MSRA: variants seen among roughly 807,000 people sequenced by gnomAD.
MSRA encodes the protein methionine sulfoxide reductase A, also known as mitochondrial peptide methionine sulfoxide reductase.
MSRA carries 54 observed loss-of-function variants against 31.3 expected under a neutral mutation model. The ratio of observed to expected loss-of-function variants is 1.73; its 90% CI spans 1.39 to 2.17. The LOEUF is 2.17. MSRA is among the 30% of genes most tolerant of loss of function. MSRA has a pLI of 0.00. For missense variants in MSRA, 507 were observed against 300.9 expected (o/e 1.69, Z -5.07); for synonymous variants, 169 against 116.5 (o/e 1.45, Z -2.90).
At chr8:10,207,968 TAGCA>T in intron 2 of MSRA, 67 bp downstream of exon 2, 1 of 1,335,280 alleles carries the variant, frequency 7.5e-7, no homozygotes, top group Non-Finnish European at 1.0e-6. Context: ...TTCTTAGTTT[TAGCA>T]AGTGTTCTCA....
intron 3 of MSRA, among the ~76,000 whole-genome samples, chr8:10,245,515 G>A (rs1797577353): frequency 6.6e-6 from 1 of 152,196 alleles, no homozygotes; most frequent in Admixed American, 6.5e-5. Flanking sequence ...AGTTGAGGCT[G>A]GGCTCAGCTT....
At chr8:10,249,895 G>A (rs1024725296) in intron 3 of MSRA, among the ~76,000 whole-genome samples, 3 of 152,210 alleles carry the variant, frequency 2.0e-5, no homozygotes, top group Admixed American at 1.3e-4. Context: ...GCCATGAGGA[G>A]CCTAACTTGT....
intron 3 of MSRA, among the ~76,000 whole-genome samples, chr8:10,246,860 G>A (rs992171889): frequency 6.6e-6 from 1 of 151,974 alleles, no homozygotes; most frequent in Non-Finnish European, 1.5e-5. Context: ...AAACGCTTAT[G>A]CATAGCTATA....
intron 1 of MSRA, among the ~76,000 whole-genome samples, chr8:10,100,867 C>A (rs572072979): frequency 6.6e-6 from 1 of 152,222 alleles, no homozygotes; most frequent in South Asian, 2.1e-4. Flanking sequence ...TAGAATACCC[C>A]TTATGTGTGG....
At chr8:10,065,449 A>C (rs1052431459) in intron 1 of MSRA, among the ~76,000 whole-genome samples, 10 of 152,224 alleles carry the variant, frequency 6.6e-5, no homozygotes, top group African/African-American at 2.2e-4. Flanking sequence ...GTGCGGAATA[A>C]AAGGCAAGAA....
chr8:10,371,732 A>G (rs1805489106), intron 5 of MSRA, among the ~76,000 whole-genome samples: 1 of 151,994 alleles, frequency 6.6e-6, no homozygotes, highest in Non-Finnish European at 1.5e-5. Flanking sequence ...GTGGTGTTGC[A>G]GTTCCTACCA....
At position 10,174,808 on chromosome 8, in the gene MSRA, C is replaced by T. The variant is rs747890247; in HGVS notation, c.143-33025C>T. ...AGCTGACCTCAGAGATGCCCTCCGACGCTGAGTTTCTTTGTCAAAAAACAA... is the reference window on the plus strand; with the variant it reads ...AGCTGACCTCAGAGATGCCCTCCGATGCTGAGTTTCTTTGTCAAAAAACAA... On this transcript the variant is annotated intron_variant, in intron 1 of 5. Transcript: ENST00000317173. Among the ~76,000 whole-genome samples the T allele has an allele frequency of 2.0e-5, 3 of 152,180 alleles. No individual in the cohort carries two copies. In the East Asian group the frequency reaches 5.8e-4, roughly 29 times the overall value.
chr8:10,295,363 C>G (rs1800477126), intron 3 of MSRA, among the ~76,000 whole-genome samples: 1 of 152,062 alleles, frequency 6.6e-6, no homozygotes, highest in Admixed American at 6.5e-5. Flanking sequence ...CACGAAGCCT[C>G]TCCGGAAGGC....
chr8:10,415,586 C>T (rs1300462609), intron 5 of MSRA, among the ~76,000 whole-genome samples: 2 of 152,134 alleles, frequency 1.3e-5, no homozygotes, highest in African/African-American at 2.4e-5. Flanking sequence ...GCCTCTCCAT[C>T]CACCTCTGCT....
chr8:10,181,029 T>C (rs975203229), intron 1 of MSRA, among the ~76,000 whole-genome samples: 2 of 152,176 alleles, frequency 1.3e-5, no homozygotes, highest in African/African-American at 4.8e-5. Flanking sequence ...CGTTAACCCA[T>C]CAAATATTTA....
rs373160303 is a variant in MSRA at position 10,091,440 on chromosome 8, A to G, written c.142+36782A>G. 1.2e-4 allele frequency among the ~76,000 whole-genome samples: 18 copies of G among 152,274 alleles called. No homozygotes were observed. The South Asian group carries it at 2.5e-3, about 21-fold the overall frequency. ...AAGGCCAAATAGTATTCCGTTTACCATATATATTTTCCTCGTTTATCTGTT... is the reference window on the plus strand; with the variant it reads ...AAGGCCAAATAGTATTCCGTTTACCGTATATATTTTCCTCGTTTATCTGTT... On this transcript the variant is annotated intron_variant, in intron 1 of 5. Transcript: ENST00000317173.
chr8:10,113,003 T>A (rs907533273), intron 1 of MSRA, among the ~76,000 whole-genome samples: 2 of 152,160 alleles, frequency 1.3e-5, no homozygotes, highest in Non-Finnish European at 2.9e-5. Flanking sequence ...GTGTCACCCC[T>A]GCAGTGACTT....
At chr8:10,295,355 C>T (rs996512039) in intron 3 of MSRA, among the ~76,000 whole-genome samples, 3 of 152,098 alleles carry the variant, frequency 2.0e-5, no homozygotes, top group South Asian at 2.1e-4. Flanking sequence ...CTTGTCCCCA[C>T]GAAGCCTCTC....
intron 1 of MSRA, among the ~76,000 whole-genome samples, chr8:10,173,574 G>C (rs1435473166): frequency 6.6e-6 from 1 of 152,138 alleles, no homozygotes; most frequent in East Asian, 1.9e-4. Context: ...TGTTCTCCAG[G>C]CATCTCCCTG....
At chr8:10,222,583 G>C (rs1164635184) in intron 2 of MSRA, among the ~76,000 whole-genome samples, 2 of 152,062 alleles carry the variant, frequency 1.3e-5, no homozygotes, top group East Asian at 1.9e-4. Context: ...CAACATACAA[G>C]ATACAATGTC....
chr8:10,303,467 A>G (rs11249984), intron 4 of MSRA, among the ~76,000 whole-genome samples: 128,810 of 152,152 alleles, frequency 0.85, 54,806 homozygotes, highest in East Asian at 0.99. Flanking sequence ...TAATGGTGGC[A>G]TCTCTGGGGT....
chr8:10,312,018 C>T (rs1389951238), intron 4 of MSRA, among the ~76,000 whole-genome samples: 3 of 152,052 alleles, frequency 2.0e-5, no homozygotes, highest in Non-Finnish European at 4.4e-5. Context: ...ATGTTAAAAT[C>T]GATAGGGCAT....
intron 1 of MSRA, among the ~76,000 whole-genome samples, chr8:10,133,141 T>C (rs181030003): frequency 1.3e-5 from 2 of 152,174 alleles, no homozygotes; most frequent in African/African-American, 4.8e-5. Context: ...GTTGATGAGG[T>C]ATATATTTCA....
rs114857339 is a variant in MSRA at position 10,138,724 on chromosome 8, T to G, written c.143-69109T>G. On this transcript the variant is annotated intron_variant, in intron 1 of 5. Coordinates refer to ENST00000317173, the MANE Select transcript of MSRA (RefSeq NM_012331.5). Reference sequence around the variant, plus strand: ...GAAAAAGAGGTTGCTCGCTGTTGATTTATTTCACAATTTTATCTGGGTAAA... The same window carrying G: ...GAAAAAGAGGTTGCTCGCTGTTGATGTATTTCACAATTTTATCTGGGTAAA... Among the ~76,000 whole-genome samples the G allele has an allele frequency of 8.5e-3, 1,291 of 152,364 alleles. 15 individuals are homozygous for G. Among genetic ancestry groups the G allele is most frequent in the African/African-American group, 0.029 (1,215 of 41,584 alleles).
Sources: gnomAD v4.1 joint callset for allele counts (sites outside exome capture counted in the v4.1 genomes callset) on GRCh38, gnomAD v4.1.1 for gene constraint, MANE v1.5 for transcripts, NCBI Gene and HGNC (gene_info 2026-07-23, HGNC 2026-07-21) for gene names.